Variants in PTPRZ1 observed in about 807,000 individuals in gnomAD.
PTPRZ1 encodes the protein receptor-type tyrosine-protein phosphatase zeta.
A neutral mutation model predicts 214.1 loss-of-function variants in PTPRZ1; 82 were observed. The ratio of observed to expected loss-of-function variants is 0.38; its 90% CI spans 0.32 to 0.46. PTPRZ1 has a LOEUF of 0.46. Among genes scored for constraint, PTPRZ1 ranks in the 20% least tolerant of loss-of-function variants. PTPRZ1 has a pLI of 1.00. For missense variants in PTPRZ1, 2,603 were observed against 2,748.7 expected (o/e 0.95, Z 1.19); for synonymous variants, 945 against 987.9 (o/e 0.96, Z 0.81).
Position 122,008,847 on chromosome 7 carries a change from A to G in PTPRZ1, c.1288-1487A>G, listed in dbSNP as rs143362880. 3.3e-5 allele frequency among the ~76,000 whole-genome samples: 5 copies of G among 152,282 alleles called. No individual in the cohort carries two copies. The East Asian group carries it at 9.6e-4, about 29-fold the overall frequency. ...AAAACAAATATTTATGAGAACTTCT[A>G]AGGAAAGAAGAGATAATTGGCACCA... On this transcript the variant is annotated intron_variant, in intron 11 of 29. Transcript: ENST00000393386.
intron 5 of PTPRZ1, 26 bp downstream of exon 5, chr7:121,976,294 T>A (rs752283826): frequency 1.8e-5 from 23 of 1,313,418 alleles, no homozygotes; most frequent in Non-Finnish European, 2.5e-5. Flanking sequence ...TTTACACTAA[T>A]GTAATTCCTT....
At chr7:121,923,088 A>G (rs112049810) in intron 1 of PTPRZ1, among the ~76,000 whole-genome samples, 72 of 152,300 alleles carry the variant, frequency 4.7e-4, no homozygotes, top group African/African-American at 1.6e-3. Context: ...AAGATCCTAC[A>G]TGAGCGCTCC....
chr7:122,053,086 T>G (rs1792236416), intron 25 of PTPRZ1, among the ~76,000 whole-genome samples: 1 of 152,076 alleles, frequency 6.6e-6, no homozygotes, highest in Non-Finnish European at 1.5e-5. Flanking sequence ...TTTTTAGTAT[T>G]TATGGACCCT....
chr7:122,018,502 C>T (rs1482781785), intron 12 of PTPRZ1, among the ~76,000 whole-genome samples: 1 of 151,226 alleles, frequency 6.6e-6, no homozygotes, highest in African/African-American at 2.4e-5. Context: ...CTCCAATTCA[C>T]CTGAAATTGC....
intron 13 of PTPRZ1, among the ~76,000 whole-genome samples, chr7:122,019,598 A>C (rs1443740768): frequency 6.6e-6 from 1 of 150,774 alleles, no homozygotes; most frequent in Non-Finnish European, 1.5e-5. Context: ...TATAATTCCA[A>C]AAATTAAGAA....
chr7:122,058,912 A>G lies in PTPRZ1; in HGVS notation c.6641A>G (p.Asn2214Ser), dbSNP rs371162503. 4.4e-6 allele frequency: 7 copies of G among 1,591,710 alleles called. No individual in the cohort carries two copies. In the African/African-American group the frequency reaches 5.4e-5, roughly 12 times the overall value. The change falls in exon 28 of 30, where the codon AAT (asparagine) becomes AGT (serine). Residue 2214 changes from asparagine (N) to serine (S), a missense_variant. Asn to Ser is a conservative substitution (Grantham distance 46). This residue lies in a region of PTPRZ1 where 165 missense variants were observed against 151.4 expected (regional missense o/e 1.09). Coordinates refer to ENST00000393386, the MANE Select transcript of PTPRZ1 (RefSeq NM_002851.3). ...LISVIKEEAA[N>S]RDGPMIVHDE... ...AGTGTTATAAAAGAAGAAGCTGCCA[A>G]TAGGGATGGGCCTATGATTGTTCAT... is the stretch of plus-strand genomic sequence containing the variant.
chr7:122,018,222 G>A (rs906499381), intron 12 of PTPRZ1, among the ~76,000 whole-genome samples: 1 of 152,092 alleles, frequency 6.6e-6, no homozygotes, highest in African/African-American at 2.4e-5. Context: ...CTCATGCTCA[G>A]TCATCTTGGT....
chr7:121,890,362 A>G (rs1003203771), intron 1 of PTPRZ1, among the ~76,000 whole-genome samples: 2 of 152,160 alleles, frequency 1.3e-5, no homozygotes, highest in African/African-American at 4.8e-5. Context: ...TACAGCCTAC[A>G]CATAATCTTC....
intron 5 of PTPRZ1, 124 bp downstream of exon 5, chr7:121,976,392 T>C (rs1797435019): frequency 3.3e-6 from 2 of 609,084 alleles, no homozygotes; most frequent in East Asian, 5.8e-5. Context: ...AAACTGGTGG[T>C]CATTTTCAAA....
chr7:121,999,891 A>G (rs1008960882), intron 10 of PTPRZ1, among the ~76,000 whole-genome samples: 63 of 152,256 alleles, frequency 4.1e-4, no homozygotes, highest in Middle Eastern at 6.8e-3. Flanking sequence ...AATAATAAAT[A>G]TTATTAAAAC....
In PTPRZ1 at chr7:121,873,188, G is replaced by C; in HGVS notation, c.-312G>C. On this transcript the variant is annotated 5_prime_UTR_variant, in exon 1 of 30. Transcript: ENST00000393386. ...ACCGCGGCCGCCGCAGCCGGCGAAA[G>C]AGGCAAAGTCCCGCACGCCGGAGGA... 1 of 411,718 alleles carries C rather than the reference G, an allele frequency of 2.4e-6. No homozygotes were observed. The highest frequency in any genetic ancestry group is 4.3e-6 in the Non-Finnish European group (1 of 234,104). The allele number at this position is 411,718 out of a possible 1,614,324, so 25.5% of individuals were successfully genotyped here.
Position 121,935,535 on chromosome 7 carries a change from T to TG in PTPRZ1, c.124+7318dup, listed in dbSNP as rs1563025557. Among the ~76,000 whole-genome samples, 3 of 136,732 alleles carry TG rather than the reference T, an allele frequency of 2.2e-5. No homozygotes were observed. The Admixed American group carries it at 2.2e-4, about 10-fold the overall frequency. The allele number at this position is 136,732 out of a possible 152,430, so 89.7% of individuals were successfully genotyped here. A position where few individuals can be genotyped will look rare whatever the true frequency, so the allele number is the denominator to read the frequency against. ...TTCGTTTGTTTTTGTTTTTGTTTTT[T>TG]GGGGTTTTTTTTGTTTGTTTGTTTG... On this transcript the variant is annotated intron_variant, in intron 2 of 29. Coordinates refer to ENST00000393386, the MANE Select transcript of PTPRZ1 (RefSeq NM_002851.3).
intron 1 of PTPRZ1, among the ~76,000 whole-genome samples, chr7:121,893,870 T>G (rs1433563948): frequency 6.6e-6 from 1 of 152,208 alleles, no homozygotes; most frequent in African/African-American, 2.4e-5. Flanking sequence ...TTTTTTCAAC[T>G]GAATATAATG....
chr7:121,930,204 G>A (rs987062334), intron 2 of PTPRZ1, among the ~76,000 whole-genome samples: 1 of 151,864 alleles, frequency 6.6e-6, no homozygotes. Flanking sequence ...ATGGGTATGA[G>A]GTAGACCTCT....
Position 122,013,899 on chromosome 7 carries a change from G to A in PTPRZ1, c.4843+10G>A, listed in dbSNP as rs754374035. 31 of 1,578,748 alleles carry A rather than the reference G, an allele frequency of 2.0e-5. No individual in the cohort carries two copies. Among genetic ancestry groups the A allele is most frequent in the East Asian group, 4.5e-5 (2 of 44,542 alleles). The stretch of plus-strand genomic sequence containing the variant: ...CACGTTTCAGAGGCAGGTTAGTTAC[G>A]GATCAGAAGGACAGATTGAGGTGTG... On this transcript the variant is annotated intron_variant, in intron 12 of 29. Transcript: ENST00000393386.
intron 1 of PTPRZ1, among the ~76,000 whole-genome samples, chr7:121,913,411 A>C (rs1795334085): frequency 6.6e-6 from 1 of 152,234 alleles, no homozygotes. Flanking sequence ...ACTGAGCCAT[A>C]ATATGAAATA....
rs1368315175 is a variant in PTPRZ1, at chr7:122,055,473, GTAAAATGGGAAAAATA to G, written c.6528+387_6528+402del. Reference sequence around the variant, plus strand: ...ATACTACCTACCTAAACTCTCCTAAGTAAAATGGGAAAAATACTACCTACCGAAACTTACTATTCTC... The same window carrying G: ...ATACTACCTACCTAAACTCTCCTAAGCTACCTACCGAAACTTACTATTCTC... On this transcript the variant is annotated intron_variant, in intron 27 of 29. Coordinates refer to ENST00000393386, the MANE Select transcript of PTPRZ1 (RefSeq NM_002851.3). 6.6e-3 allele frequency among the ~76,000 whole-genome samples: 1,007 copies of G among 151,890 alleles called. 10 individuals are homozygous for G. Among genetic ancestry groups the G allele is most frequent in the African/African-American group, 0.021 (892 of 41,512 alleles).
At chr7:122,036,275 G>T (rs1300983709) in intron 17 of PTPRZ1, among the ~76,000 whole-genome samples, 1 of 152,136 alleles carries the variant, frequency 6.6e-6, no homozygotes, top group Non-Finnish European at 1.5e-5. Flanking sequence ...ACCAACTTCA[G>T]ATGTCAACCT....
intron 1 of PTPRZ1, among the ~76,000 whole-genome samples, chr7:121,918,409 C>T (rs1235133660): frequency 6.6e-6 from 1 of 152,118 alleles, no homozygotes; most frequent in Non-Finnish European, 1.5e-5. Context: ...GTTGCGTTTC[C>T]TGTTTTGCTA....
Sources: gnomAD v4.1 joint callset for allele counts (sites outside exome capture counted in the v4.1 genomes callset) on GRCh38, gnomAD v4.1.1 for gene constraint, gnomAD v4.1.1 regional missense constraint, MANE v1.5 for transcripts, NCBI Gene and HGNC (gene_info 2026-07-23, HGNC 2026-07-21) for gene names.